Variants in ASTN2 observed in about 807,000 individuals in gnomAD.
ASTN2 encodes the protein astrotactin-2.
In ASTN2, 54 loss-of-function variants were observed where a neutral mutation model predicts 139.8. The observed-to-expected ratio is 0.39, with a 90% CI of 0.31 to 0.48. The LOEUF (loss-of-function observed/expected upper bound fraction) is 0.48, where lower values mean the gene tolerates loss of function less well. Among genes scored for constraint, ASTN2 ranks in the 20% least tolerant of loss-of-function variants. The probability of loss-of-function intolerance (pLI) is 0.95; values close to 1 mark genes in which losing one functional copy is unlikely to be tolerated. For synonymous variants in ASTN2, 756 were observed against 719.5 expected, an observed-to-expected ratio of 1.05 and a Z score of -0.81; for missense variants, 1,565 against 1,725.1, an observed-to-expected ratio of 0.91 and a Z score of 1.64.
chr9:117,359,271 A>G (rs2130892686), intron 1 of ASTN2, among the ~76,000 whole-genome samples: 1 of 152,276 alleles, frequency 6.6e-6, no homozygotes, highest in Non-Finnish European at 1.5e-5. Flanking sequence ...GGTTGTTTTG[A>G]GGATTAACAG....
chr9:117,017,531 C>G (rs2418446), intron 6 of ASTN2, among the ~76,000 whole-genome samples: 1 of 151,978 alleles, frequency 6.6e-6, no homozygotes, highest in East Asian at 1.9e-4. Context: ...AGTTGCTGTA[C>G]GATTCTAGAA....
At chr9:117,014,123 GA>G (rs754142224) in intron 6 of ASTN2, among the ~76,000 whole-genome samples, 6 of 152,078 alleles carry the variant, frequency 3.9e-5, no homozygotes, top group African/African-American at 9.7e-5. Flanking sequence ...GGACCTGGGA[GA>G]AATGTCTTCC....
At chr9:116,546,803 T>A (rs1380111173) in intron 19 of ASTN2, 2 of 152,100 alleles carry the variant, frequency 1.3e-5, no homozygotes, top group African/African-American at 4.8e-5. Flanking sequence ...AATTTCCAAC[T>A]CTCTGATGAG....
At chr9:117,377,418 G>C (rs1005079847) in intron 1 of ASTN2, among the ~76,000 whole-genome samples, 7 of 152,202 alleles carry the variant, frequency 4.6e-5, no homozygotes, top group African/African-American at 1.7e-4. Context: ...ATTGCTAATG[G>C]CTTGCAGAGG....
At chr9:117,148,652 C>T (rs1181409522) in intron 3 of ASTN2, among the ~76,000 whole-genome samples, 1 of 152,170 alleles carries the variant, frequency 6.6e-6, no homozygotes, top group Non-Finnish European at 1.5e-5. Flanking sequence ...ATCTGATAGT[C>T]AATTTTGTGC....
At chr9:116,902,200 G>A (rs1281600401) in intron 10 of ASTN2, among the ~76,000 whole-genome samples, 1 of 152,170 alleles carries the variant, frequency 6.6e-6, no homozygotes, top group East Asian at 1.9e-4. Flanking sequence ...CTTTCCAGTG[G>A]GAAAAGATAT....
intron 10 of ASTN2, among the ~76,000 whole-genome samples, chr9:116,872,223 T>A (rs1833186191): frequency 6.6e-6 from 1 of 152,182 alleles, no homozygotes; most frequent in Non-Finnish European, 1.5e-5. Flanking sequence ...CTTGGGCAAG[T>A]CTCTTAAACC....
At chr9:117,087,184 A>G (rs1828586493) in intron 5 of ASTN2, among the ~76,000 whole-genome samples, 1 of 151,848 alleles carries the variant, frequency 6.6e-6, no homozygotes, top group Admixed American at 6.6e-5. Context: ...AAAAATGTTT[A>G]TTGTTTTTTT....
intron 1 of ASTN2, among the ~76,000 whole-genome samples, chr9:117,350,084 A>G (rs1309846577): frequency 9.2e-5 from 14 of 152,204 alleles, no homozygotes; most frequent in Admixed American, 9.2e-4. Context: ...TAAGATGGTA[A>G]CATTAGGGGA....
intron 6 of ASTN2, among the ~76,000 whole-genome samples, chr9:117,015,789 A>G (rs1837657071): frequency 1.3e-5 from 2 of 152,134 alleles, no homozygotes; most frequent in South Asian, 4.1e-4. Flanking sequence ...TGCTCTGAAG[A>G]AGATAGCAAC....
chr9:117,074,721 T>C (rs4308815), intron 5 of ASTN2, among the ~76,000 whole-genome samples: 23,959 of 152,200 alleles, frequency 0.16, 1,957 homozygotes, highest in East Asian at 0.24. Context: ...AAGGGCTGTG[T>C]ATACAATACC....
At chr9:117,346,718 C>T (rs1829230765) in intron 1 of ASTN2, among the ~76,000 whole-genome samples, 1 of 152,070 alleles carries the variant, frequency 6.6e-6, no homozygotes, top group African/African-American at 2.4e-5. Context: ...GAGAGTGAAC[C>T]TGTTCAGGGC....
chr9:116,959,159 A>G (rs563664285), intron 10 of ASTN2, among the ~76,000 whole-genome samples: 4 of 152,302 alleles, frequency 2.6e-5, no homozygotes, highest in Admixed American at 2.0e-4. Context: ...ACATGACGAC[A>G]AAGGAGAAAG....
chr9:117,197,853 G>C (rs1389477164), intron 3 of ASTN2, among the ~76,000 whole-genome samples: 1 of 151,892 alleles, frequency 6.6e-6, no homozygotes, highest in Non-Finnish European at 1.5e-5. Context: ...ATTATAGATT[G>C]GTAATTTTTT....
chr9:117,321,076 G>C (rs1177721873), intron 1 of ASTN2, among the ~76,000 whole-genome samples: 1 of 152,116 alleles, frequency 6.6e-6, no homozygotes, highest in Non-Finnish European at 1.5e-5. Flanking sequence ...ACACAGTGTT[G>C]TCCACTACAG....
chr9:117,388,591 T>C (rs1830461774), intron 1 of ASTN2, among the ~76,000 whole-genome samples: 1 of 152,208 alleles, frequency 6.6e-6, no homozygotes, highest in Non-Finnish European at 1.5e-5. Context: ...CAGAGTTGGC[T>C]TCTATTGGTT....
intron 12 of ASTN2, 139 bp from the exon 13 acceptor site, chr9:116,805,959 C>T (rs1831019502): frequency 5.0e-6 from 4 of 795,040 alleles, no homozygotes; most frequent in Non-Finnish European, 8.1e-6. Flanking sequence ...TGGAATCTAT[C>T]TAGGGCACAG....
At chr9:116,913,704 C>G (rs1834373478) in intron 10 of ASTN2, among the ~76,000 whole-genome samples, 1 of 152,086 alleles carries the variant, frequency 6.6e-6, no homozygotes, top group Non-Finnish European at 1.5e-5. Flanking sequence ...GAGACACATG[C>G]TGGGTTTCTG....
intron 19 of ASTN2, among the ~76,000 whole-genome samples, chr9:116,577,454 CGG>C (rs61700195): frequency 0.16 from 24,453 of 151,470 alleles, 2,140 homozygotes; most frequent in African/African-American, 0.22. Flanking sequence ...CACTTGAGCC[CGG>C]GGGAGGTCAA....
Sources: allele counts gnomAD v4.1 joint callset (sites outside exome capture counted in the v4.1 genomes callset), GRCh38; gene constraint gnomAD v4.1.1; transcripts MANE v1.5; gene names NCBI Gene and HGNC (gene_info 2026-07-23, HGNC 2026-07-21).